SIK2: variants seen among roughly 807,000 people sequenced by gnomAD.
The protein encoded by SIK2 is serine/threonine-protein kinase SIK2.
SIK2 carries 29 observed loss-of-function variants against 103.2 expected under a neutral mutation model. The ratio of observed to expected loss-of-function variants is 0.28; its 90% CI spans 0.21 to 0.38. The LOEUF is 0.38. Ranked by LOEUF, SIK2 falls within the 10% of genes least tolerant of loss-of-function variation. The pLI, the probability that SIK2 is intolerant of heterozygous loss-of-function variation, is 1.00. For synonymous variants in SIK2, 412 were observed against 446.1 expected, an observed-to-expected ratio of 0.92 and a Z score of 0.96; for missense variants, 879 against 1,171.0, an observed-to-expected ratio of 0.75 and a Z score of 3.64.
Position 111,602,949 on chromosome 11 carries a change from C to A in SIK2, c.135+251C>A, listed in dbSNP as rs942298002. On this transcript the variant is annotated intron_variant, in intron 1 of 14. Transcript: ENST00000304987. The surrounding 1 kb of genome is among the most constrained non-coding windows in gnomAD (Gnocchi z 4.5). ...CGCAACCAGCCGGGGCTTTGCTTTC[C>A]CCTACGCCACCCCCGGTGGCCACCC... 6.6e-6 allele frequency among the ~76,000 whole-genome samples: 1 copy of A among 152,130 alleles called. No homozygotes were observed. Among genetic ancestry groups the A allele is most frequent in the African/African-American group, 2.4e-5 (1 of 41,438 alleles).
intron 1 of SIK2, among the ~76,000 whole-genome samples, chr11:111,606,419 A>G (rs1421200714): frequency 2.6e-5 from 4 of 151,972 alleles, no homozygotes; most frequent in Non-Finnish European, 2.9e-5. Flanking sequence ...ATTTAAATGC[A>G]TTTTTTCCAT....
intron 1 of SIK2, among the ~76,000 whole-genome samples, chr11:111,611,844 T>C (rs1230851083): frequency 6.6e-6 from 1 of 152,212 alleles, no homozygotes; most frequent in Non-Finnish European, 1.5e-5. Context: ...TGTTGAGAAC[T>C]AAATAAGAGA....
intron 3 of SIK2, among the ~76,000 whole-genome samples, chr11:111,648,318 C>T (rs149853239): frequency 7.2e-5 from 11 of 152,190 alleles, no homozygotes; most frequent in East Asian, 3.9e-4. Context: ...ATTTATTTCT[C>T]GCAGTTCTGG....
At chr11:111,665,264 G>C (rs975019417) in intron 3 of SIK2, among the ~76,000 whole-genome samples, 11 of 150,992 alleles carry the variant, frequency 7.3e-5, no homozygotes, top group Non-Finnish European at 3.0e-5. Context: ...TGGGCAACAT[G>C]GCGAAACCCC....
At chr11:111,703,768 C>A (rs1313794865) in intron 7 of SIK2, among the ~76,000 whole-genome samples, 1 of 152,044 alleles carries the variant, frequency 6.6e-6, no homozygotes. Flanking sequence ...TGTAAATGTG[C>A]AGATAGGCAA....
chr11:111,673,978 G>T (rs1000937736), intron 3 of SIK2, among the ~76,000 whole-genome samples: 3 of 151,888 alleles, frequency 2.0e-5, no homozygotes, highest in Admixed American at 1.3e-4. Context: ...GGAGGCTGAG[G>T]CAGGAGAATC....
rs539353843 is a variant in SIK2, at chr11:111,730,056, G to C, written c.*5927G>C. ...CTCAGCCTTTGTCTCAACGAGGGGC[G>C]TAACATTTCCTTACAGTCAAGCCCC... On this transcript the variant is annotated 3_prime_UTR_variant, in exon 15 of 15. Transcript: ENST00000304987. 6.6e-6 allele frequency: 1 copy of C among 152,370 alleles called. No individual in the cohort carries two copies. The highest frequency in any genetic ancestry group is 2.1e-4 in the South Asian group (1 of 4,824). 9.4% of individuals were successfully genotyped at this position (152,370 alleles called of 1,614,324 possible). A position where few individuals can be genotyped will look rare whatever the true frequency, so the allele number is the denominator to read the frequency against.
intron 3 of SIK2, among the ~76,000 whole-genome samples, chr11:111,659,378 G>A (rs898375546): frequency 6.6e-6 from 1 of 152,152 alleles, no homozygotes; most frequent in Non-Finnish European, 1.5e-5. Context: ...CCCAACTCTT[G>A]TGAAGGGAAA....
intron 9 of SIK2, chr11:111,718,717 T>G (rs951379707): frequency 2.6e-5 from 4 of 152,226 alleles, no homozygotes; most frequent in African/African-American, 9.6e-5. Flanking sequence ...CATGAGCTTC[T>G]CCTGCTTCCA....
chr11:111,724,429 T>G lies in SIK2; in HGVS notation c.*300T>G. 1 of 410,466 alleles carries G rather than the reference T, an allele frequency of 2.4e-6. No individual in the cohort carries two copies. Among genetic ancestry groups the G allele is most frequent in the Non-Finnish European group, 4.4e-6 (1 of 225,424 alleles). The allele number at this position is 410,466 out of a possible 1,614,324, so 25.4% of individuals were successfully genotyped here. ...TGACAAATGTGTTCCTAAGAAGACA[T>G]TCAGACCCAGGTGTTATGCAGGATT... On this transcript the variant is annotated 3_prime_UTR_variant, in exon 15 of 15. Coordinates refer to ENST00000304987, the MANE Select transcript of SIK2 (RefSeq NM_015191.3).
At chr11:111,646,557 C>G (rs1942260181) in intron 3 of SIK2, among the ~76,000 whole-genome samples, 1 of 152,212 alleles carries the variant, frequency 6.6e-6, no homozygotes, top group Admixed American at 6.5e-5. Flanking sequence ...TCCACCACCC[C>G]TAAGTTTCCT....
chr11:111,699,950 G>C (rs1204834347), intron 4 of SIK2, among the ~76,000 whole-genome samples: 2 of 152,222 alleles, frequency 1.3e-5, no homozygotes, highest in African/African-American at 4.8e-5. Context: ...CAGCTGGGTG[G>C]AGAGCCAGTT....
At chr11:111,639,727 A>T (rs1231934445) in intron 3 of SIK2, among the ~76,000 whole-genome samples, 1 of 151,990 alleles carries the variant, frequency 6.6e-6, no homozygotes, top group East Asian at 1.9e-4. Context: ...ATTCATTGTT[A>T]TACTCTCTCC....
intron 3 of SIK2, among the ~76,000 whole-genome samples, chr11:111,624,804 G>A (rs967111970): frequency 2.0e-5 from 3 of 151,866 alleles, no homozygotes; most frequent in African/African-American, 7.3e-5. Context: ...TAAATAGAGT[G>A]GTCAGAGGCT....
At chr11:111,614,050 G>C (rs1424411084) in intron 1 of SIK2, among the ~76,000 whole-genome samples, 5 of 150,622 alleles carry the variant, frequency 3.3e-5, no homozygotes, top group African/African-American at 7.3e-5. Context: ...CCCCTCGGGG[G>C]TCAGTTGAAA....
At chr11:111,654,820 C>T (rs779450114) in intron 3 of SIK2, among the ~76,000 whole-genome samples, 3 of 152,190 alleles carry the variant, frequency 2.0e-5, no homozygotes, top group African/African-American at 4.8e-5. Context: ...CCATCAGCTT[C>T]ACACTTTTGG....
rs114474724 is a variant in SIK2 at position 111,649,392 on chromosome 11, G to T, written c.316+28990G>T. 6.5e-3 allele frequency among the ~76,000 whole-genome samples: 994 copies of T among 152,196 alleles called. 10 individuals are homozygous for T. The highest frequency in any genetic ancestry group is 0.022 in the African/African-American group (928 of 41,536). On this transcript the variant is annotated intron_variant, in intron 3 of 14. Coordinates refer to ENST00000304987, the MANE Select transcript of SIK2 (RefSeq NM_015191.3). ...TCACTATAAATGAAGGTAACCACAT[G>T]AAGGTATTTGAATATATTACTTACA...
In SIK2 at chr11:111,663,588, C is replaced by T. The variant is rs375142625; in HGVS notation, c.317-24413C>T. Among the ~76,000 whole-genome samples, 5 of 152,102 alleles carry T rather than the reference C, an allele frequency of 3.3e-5. No homozygotes were observed. In the South Asian group the frequency reaches 1.0e-3, roughly 32 times the overall value. On this transcript the variant is annotated intron_variant, in intron 3 of 14. Transcript: ENST00000304987. Reference sequence around the variant, plus strand: ...TGAGCAGAGCCGTGTCATGGAAAGACTCATTTTTTCAGTGGTTACTTTGAC... The same window carrying T: ...TGAGCAGAGCCGTGTCATGGAAAGATTCATTTTTTCAGTGGTTACTTTGAC...
intron 3 of SIK2, among the ~76,000 whole-genome samples, chr11:111,684,446 A>C (rs934285707): frequency 1.3e-5 from 2 of 152,208 alleles, no homozygotes; most frequent in Non-Finnish European, 2.9e-5. Flanking sequence ...CAGGGAAAAA[A>C]AAAAGTTGTC....
Sources: gnomAD v4.1 joint callset for allele counts (sites outside exome capture counted in the v4.1 genomes callset) on GRCh38, gnomAD v4.1.1 for gene constraint, Gnocchi (gnomAD v3.1) non-coding constraint, MANE v1.5 for transcripts, NCBI Gene and HGNC (gene_info 2026-07-23, HGNC 2026-07-21) for gene names.